The following MLLT6 variants were observed in gnomAD, a reference collection of about 807,000 sequenced individuals.
MLLT6 encodes protein AF-17.
A neutral mutation model predicts 103.0 loss-of-function variants in MLLT6; 22 were observed. That is an observed-to-expected ratio of 0.21 (90% CI 0.15 to 0.31). MLLT6 has a LOEUF of 0.31. Among genes scored for constraint, MLLT6 ranks in the 10% least tolerant of loss-of-function variants. The pLI is 1.00. For synonymous variants in MLLT6, 606 were observed against 623.5 expected (o/e 0.97, Z 0.42); for missense variants, 1,199 against 1,441.7 (o/e 0.83, Z 2.73).
intron 7 of MLLT6, 161 bp downstream of exon 7, chr17:38,712,175 G>A: frequency 2.1e-6 from 2 of 946,466 alleles, no homozygotes; most frequent in African/African-American, 1.8e-5. Context: ...TGAAACGGTG[G>A]GGGGGTGAGG....
rs200052884 is a variant in MLLT6, at chr17:38,729,724, G to A, written c.*4126G>A. The A allele has an allele frequency of 9.5e-6, 2 of 210,530 alleles. No homozygotes were observed. Among genetic ancestry groups the A allele is most frequent in the Non-Finnish European group, 1.9e-5 (2 of 104,454 alleles). The allele number at this position is 210,530 out of a possible 1,614,324, so 13.0% of individuals were successfully genotyped here. A position where few individuals can be genotyped will look rare whatever the true frequency, so the allele number is the denominator to read the frequency against. On this transcript the variant is annotated 3_prime_UTR_variant, in exon 20 of 20. Transcript: ENST00000621332. ...TATCTTTGTATAACGGATGTTATTT[G>A]TACGAAGGGCAGTTCGTAAACAGCA... is the stretch of plus-strand genomic sequence containing the variant.
Position 38,719,834 on chromosome 17 carries a change from A to G in MLLT6, c.2094A>G (p.Pro698=), listed in dbSNP as rs1344625969. Residue 698 remains proline (P), a synonymous_variant, in exon 14 of 20, where the codon CCA becomes CCG. Coordinates refer to ENST00000621332, the MANE Select transcript of MLLT6 (RefSeq NM_005937.4). ...GCGGCCAGTTAGACCCGGCGGCCCC[A>G]GGGACGACTAACATGGAGCAGCTTC... is the stretch of plus-strand genomic sequence containing the variant. The part of the protein sequence containing the change: ...CGGGQLDPAA[P]GTTNMEQLLE... 1 of 1,612,182 alleles carries G rather than the reference A, an allele frequency of 6.2e-7. No individual in the cohort carries two copies. Among genetic ancestry groups the G allele is most frequent in the East Asian group, 2.2e-5 (1 of 44,850 alleles).
chr17:38,725,136 G>A (rs1218093020), intron 19 of MLLT6, 160 bp downstream of exon 19: 2 of 595,812 alleles, frequency 3.4e-6, no homozygotes, highest in Admixed American at 3.3e-5. Flanking sequence ...GCTTGCACAT[G>A]GGTGCCCTCC....
At chr17:38,707,410 TG>T (rs775733618) in intron 2 of MLLT6, 75 bp from the exon 3 acceptor site, 4 of 1,440,136 alleles carry the variant, frequency 2.8e-6, no homozygotes, top group Non-Finnish European at 3.9e-6. Flanking sequence ...CATTTCAGCC[TG>T]GGACCCCTTG....
At chr17:38,722,614 GT>G in intron 17 of MLLT6, 63 bp from the exon 18 acceptor site, 1 of 867,978 alleles carries the variant, frequency 1.2e-6, no homozygotes, top group South Asian at 1.5e-5. Flanking sequence ...GAGCAGGAGT[GT>G]TTCCCTGGCC....
In MLLT6 at chr17:38,709,703, C is replaced by A; in HGVS notation, c.552+128C>A. 1.5e-6 allele frequency: 1 copy of A among 689,380 alleles called. No homozygotes were observed. Among genetic ancestry groups the A allele is most frequent in the Non-Finnish European group, 2.6e-6 (1 of 386,048 alleles). The allele number at this position is 689,380 out of a possible 1,614,324, so 42.7% of individuals were successfully genotyped here. On this transcript the variant is annotated intron_variant, in intron 6 of 19. Coordinates refer to ENST00000621332, the MANE Select transcript of MLLT6 (RefSeq NM_005937.4). This position sits in a 1 kb window ranked among gnomAD's most constrained non-coding sequence, Gnocchi z 4.3. ...GAGAGGGAAAAAACCCAGTCCCTGCCCAAGAGGAGCTCTTCATTCGATGAG... is the reference window on the plus strand; with the variant it reads ...GAGAGGGAAAAAACCCAGTCCCTGCACAAGAGGAGCTCTTCATTCGATGAG...
intron 1 of MLLT6, 117 bp downstream of exon 1, chr17:38,705,858 G>A (rs1030398867): frequency 3.1e-6 from 1 of 321,374 alleles, no homozygotes; most frequent in Non-Finnish European, 5.5e-6. Context: ...CACCCCACCT[G>A]AAGGGAAGGG....
chr17:38,722,084 G>A lies in MLLT6; in HGVS notation c.2649G>A (p.Gly883=), dbSNP rs1905783242. The change falls in exon 17 of 20, where the codon GGG becomes GGA. Residue 883 remains glycine (G), a synonymous_variant. Coordinates refer to ENST00000621332, the MANE Select transcript of MLLT6 (RefSeq NM_005937.4). ...AGLGAMPMAE[G]LLGGLAGSGG... ...TGGGGGCCATGCCCATGGCTGAGGG[G>A]CTGTTGGGGGGGCTGGCAGGCAGTG... is the stretch of plus-strand genomic sequence containing the variant. The A allele has an allele frequency of 4.4e-6, 6 of 1,373,702 alleles. No homozygotes were observed. Among genetic ancestry groups the A allele is most frequent in the Non-Finnish European group, 5.6e-6 (6 of 1,068,022 alleles). 85.1% of individuals were successfully genotyped at this position (1,373,702 alleles called of 1,614,324 possible).
intron 7 of MLLT6, 102 bp downstream of exon 7, chr17:38,712,116 C>T: frequency 1.3e-5 from 18 of 1,382,568 alleles, no homozygotes; most frequent in Non-Finnish European, 1.7e-5. Flanking sequence ...GGTCTTGGCC[C>T]TGCCTTCTTC....
Position 38,724,771 on chromosome 17 carries a change from T to A in MLLT6, c.3035T>A (p.Leu1012Gln), listed in dbSNP as rs2143714225. The change falls in exon 19 of 20, where the codon CTG (leucine) becomes CAG (glutamine). Residue 1012 changes from leucine (L) to glutamine (Q), a missense_variant. Leu to Gln is a moderately radical substitution (Grantham distance 113). Coordinates refer to ENST00000621332, the MANE Select transcript of MLLT6 (RefSeq NM_005937.4). The surrounding 1 kb of genome is among the most constrained non-coding windows in gnomAD (Gnocchi z 5.4). ...CTGCTGTCTGCGGGTACCCCTGGCCTGCTGCCCACAGCGTCTGCTCCACCC... is the reference window on the plus strand; with the variant it reads ...CTGCTGTCTGCGGGTACCCCTGGCCAGCTGCCCACAGCGTCTGCTCCACCC... ...TPLLSAGTPG[L>Q]LPTASAPPLL... 2.5e-6 allele frequency: 4 copies of A among 1,608,044 alleles called. No homozygotes were observed. The highest frequency in any genetic ancestry group is 3.4e-6 in the Non-Finnish European group (4 of 1,177,678).
At position 38,724,840 on chromosome 17, in the gene MLLT6, A is replaced by G. The variant is rs760274976; in HGVS notation, c.3104A>G (p.Asn1035Ser). The change falls in exon 19 of 20, where the codon AAC (asparagine) becomes AGC (serine). Residue 1035 changes from asparagine (N) to serine (S), a missense_variant. Physicochemically the swap from Asn to Ser is conservative, Grantham distance 46. Transcript: ENST00000621332. The surrounding 1 kb of genome is among the most constrained non-coding windows in gnomAD (Gnocchi z 5.4). ...CTAGTGGCTCCCTCGCTTGGCAACA[A>G]CACAAGTCTCATGGCCGCAGCAGCT... ...GALVAPSLGN[N>S]TSLMAAAAAA... The G allele has an allele frequency of 3.8e-6, 6 of 1,589,748 alleles. No individual in the cohort carries two copies. The highest frequency in any genetic ancestry group is 5.1e-6 in the Non-Finnish European group (6 of 1,168,672).
At position 38,709,614 on chromosome 17, in the gene MLLT6, C is replaced by G; in HGVS notation, c.552+39C>G. 2 of 1,524,050 alleles carry G rather than the reference C, an allele frequency of 1.3e-6. No individual in the cohort carries two copies. The highest frequency in any genetic ancestry group is 9.1e-7 in the Non-Finnish European group (1 of 1,099,516). 94.4% of individuals were successfully genotyped at this position (1,524,050 alleles called of 1,614,324 possible). A position where few individuals can be genotyped will look rare whatever the true frequency, so the allele number is the denominator to read the frequency against. ...ACCAGCGCATGAGCGGGTCAGTCAG[C>G]TGTGGTAAGATGGTTAGAGGGCATG... On this transcript the variant is annotated intron_variant, in intron 6 of 19. Coordinates refer to ENST00000621332, the MANE Select transcript of MLLT6 (RefSeq NM_005937.4). The surrounding 1 kb of genome is among the most constrained non-coding windows in gnomAD (Gnocchi z 4.3).
At chr17:38,708,853 G>A (rs1567923179) in intron 4 of MLLT6, among the ~76,000 whole-genome samples, 1 of 152,188 alleles carries the variant, frequency 6.6e-6, no homozygotes, top group Admixed American at 6.5e-5. Flanking sequence ...AGCCGAGATC[G>A]TGCCACTGCA....
intron 18 of MLLT6, among the ~76,000 whole-genome samples, chr17:38,723,341 A>C (rs1047158169): frequency 4.6e-5 from 7 of 152,074 alleles, no homozygotes; most frequent in African/African-American, 1.7e-4. Context: ...CTCTACAAAA[A>C]ATTAGCTGGG....
At chr17:38,711,796 C>T in intron 6 of MLLT6, 51 bp from the exon 7 acceptor site, 10 of 1,466,628 alleles carry the variant, frequency 6.8e-6, no homozygotes, top group Non-Finnish European at 9.1e-6. Context: ...GGAAGCGTTC[C>T]CTAAGCCCGT....
rs749580455 is a variant in MLLT6, at chr17:38,716,322, C to T, written c.1037-45C>T. 3.6e-5 allele frequency: 56 copies of T among 1,572,948 alleles called. 1 individual carries two copies. Among genetic ancestry groups the T allele is most frequent in the African/African-American group, 8.3e-5 (6 of 72,384 alleles). On this transcript the variant is annotated intron_variant, in intron 9 of 19. Transcript: ENST00000621332. This position sits in a 1 kb window ranked among gnomAD's most constrained non-coding sequence, Gnocchi z 5.6. ...GTACACGCGGGAGTGGGAGGGAGTG[C>T]GGGGATCTGGGGTCCAGCTGTAACT...
At chr17:38,720,143 T>A in intron 14 of MLLT6, 2 of 691,540 alleles carry the variant, frequency 2.9e-6, no homozygotes, top group Non-Finnish European at 4.7e-6. Flanking sequence ...TCCGCCCTTC[T>A]CTCCTGACCC....
chr17:38,716,508 T>A lies in MLLT6; in HGVS notation c.1178T>A (p.Leu393His). The A allele has an allele frequency of 1.2e-6, 2 of 1,614,148 alleles. No individual in the cohort carries two copies. The highest frequency in any genetic ancestry group is 2.7e-5 in the African/African-American group (2 of 75,054). Residue 393 changes from leucine to histidine, a missense_variant, in exon 10 of 20, where the codon CTT becomes CAT. Leu to His is a moderately conservative substitution (Grantham distance 99). Transcript: ENST00000621332. The surrounding 1 kb of genome is among the most constrained non-coding windows in gnomAD (Gnocchi z 5.6). ...PSAPEPPKAD[L>H]FEQKVVFSGF... ...GCTCCCGAGCCCCCCAAGGCTGACC[T>A]TTTTGAGCAGAAGGTGGTCTTCTCT...
rs561090797 is a variant in MLLT6, at chr17:38,726,432, C to T, written c.*834C>T. On this transcript the variant is annotated 3_prime_UTR_variant, in exon 20 of 20. Coordinates refer to ENST00000621332, the MANE Select transcript of MLLT6 (RefSeq NM_005937.4). ...CTGCCTGTCTCTCTCCTCCTGGACCCAGGGCAGCCAAGGGCAGGGATAGGC... is the reference window on the plus strand; with the variant it reads ...CTGCCTGTCTCTCTCCTCCTGGACCTAGGGCAGCCAAGGGCAGGGATAGGC... 1 of 234,510 alleles carries T rather than the reference C, an allele frequency of 4.3e-6. No homozygotes were observed. The highest frequency in any genetic ancestry group is 8.4e-6 in the Non-Finnish European group (1 of 118,840). 14.5% of individuals were successfully genotyped at this position (234,510 alleles called of 1,614,324 possible).
Sources: allele counts gnomAD v4.1 joint callset (sites outside exome capture counted in the v4.1 genomes callset), GRCh38; gene constraint gnomAD v4.1.1; non-coding constraint Gnocchi (gnomAD v3.1); transcripts MANE v1.5; gene names NCBI Gene and HGNC (gene_info 2026-07-23, HGNC 2026-07-21).